Variants in GDPD5 observed in about 807,000 individuals in gnomAD.
GDPD5 encodes glycerophosphodiester phosphodiesterase 2.
GDPD5 carries 48 observed loss-of-function variants against 75.1 expected under a neutral mutation model. The observed-to-expected ratio is 0.64, with a 90% CI of 0.51 to 0.81. The LOEUF is 0.81. Ranked by LOEUF, GDPD5 falls within the 40% of genes least tolerant of loss-of-function variation. GDPD5 has a pLI of 0.00. For synonymous variants in GDPD5, 336 were observed against 339.0 expected (o/e 0.99, Z 0.10); for missense variants, 706 against 822.6 (o/e 0.86, Z 1.73).
At chr11:75,474,209 C>G (rs887726613) in intron 3 of GDPD5, among the ~76,000 whole-genome samples, 2 of 152,222 alleles carry the variant, frequency 1.3e-5, no homozygotes, top group East Asian at 1.9e-4. Context: ...AAATGTACTA[C>G]AGAAGTGCAA....
At chr11:75,520,943 C>T (rs1941426962) in intron 1 of GDPD5, among the ~76,000 whole-genome samples, 1 of 152,260 alleles carries the variant, frequency 6.6e-6, no homozygotes, top group Non-Finnish European at 1.5e-5. Context: ...CCACCACCCT[C>T]CTTTGGGCGA....
chr11:75,443,140 A>G lies in GDPD5; in HGVS notation c.944T>C (p.Leu315Pro). ...TGGGATCAGGTGCAGCCAGACCTTC[A>G]GGAACCACTGGCCAGCGTTGAGTCT... is the stretch of plus-strand genomic sequence containing the variant. ...LQRLNAGQWF[L>P]KTDPFWTASS... Residue 315 changes from leucine (L) to proline (P), a missense_variant, in exon 11 of 17, where the codon CTG becomes CCG. Transcript: ENST00000336898. 1 of 1,601,216 alleles carries G rather than the reference A, an allele frequency of 6.2e-7. No homozygotes were observed.
intron 3 of GDPD5, among the ~76,000 whole-genome samples, chr11:75,475,810 C>T (rs1401639968): frequency 6.6e-6 from 1 of 152,206 alleles, no homozygotes; most frequent in Admixed American, 6.5e-5. Flanking sequence ...GCTGCCCCTC[C>T]AGCCTTGGCC....
chr11:75,480,050 G>A (rs1423166353), intron 2 of GDPD5, among the ~76,000 whole-genome samples: 3 of 152,108 alleles, frequency 2.0e-5, no homozygotes, highest in Non-Finnish European at 2.9e-5. Flanking sequence ...TTTCTTTTGG[G>A]TACACATTTC....
chr11:75,463,597 T>A (rs1249172593), intron 3 of GDPD5, among the ~76,000 whole-genome samples: 1 of 152,108 alleles, frequency 6.6e-6, no homozygotes, highest in East Asian at 1.9e-4. Flanking sequence ...ATATCCTGCA[T>A]CCCGGGAAAC....
intron 16 of GDPD5, among the ~76,000 whole-genome samples, chr11:75,436,521 T>C (rs1948630138): frequency 8.1e-6 from 1 of 123,196 alleles, no homozygotes. Flanking sequence ...TCCCTGCCAC[T>C]GTTTATATAC....
At position 75,444,465 on chromosome 11, in the gene GDPD5, G is replaced by A. The variant is rs1948934445; in HGVS notation, c.745C>T (p.Arg249Trp). The stretch of plus-strand genomic sequence containing the variant: ...TACAGCTTCTGCTCGAGGGCCTTCC[G>A]GAAGGACATGAGCGTGTGCTCTGGA... ...LAPEHTLMSF[R>W]KALEQKLYGL... The change falls in exon 10 of 17, where the codon CGG becomes TGG. Residue 249 changes from arginine to tryptophan, a missense_variant. By Grantham distance (101) the Arg-to-Trp change is moderately radical (BLOSUM62 -3). Transcript: ENST00000336898. The A allele has an allele frequency of 3.7e-6, 6 of 1,613,838 alleles. No individual in the cohort carries two copies. The highest frequency in any genetic ancestry group is 5.1e-6 in the Non-Finnish European group (6 of 1,179,904).
intron 10 of GDPD5, 39 bp downstream of exon 10, chr11:75,444,374 G>C (rs1948928571): frequency 6.8e-7 from 1 of 1,469,548 alleles, no homozygotes; most frequent in Non-Finnish European, 9.5e-7. Flanking sequence ...GAAGCGTGTG[G>C]GAGGGGTAGA....
At position 75,435,348 on chromosome 11, in the gene GDPD5, G is replaced by C; in HGVS notation, c.*159C>G. 1.7e-6 allele frequency: 1 copy of C among 595,822 alleles called. No individual in the cohort carries two copies. The highest frequency in any genetic ancestry group is 2.9e-5 in the East Asian group (1 of 34,254). The allele number at this position is 595,822 out of a possible 1,614,324, so 36.9% of individuals were successfully genotyped here. On this transcript the variant is annotated 3_prime_UTR_variant, in exon 17 of 17. Coordinates refer to ENST00000336898, the MANE Select transcript of GDPD5 (RefSeq NM_030792.8). ...CCAGCTGGGCCTCAGGAGACAGGGA[G>C]TCCCCCTCAAGAGAGGCTGCGGCTG...
At chr11:75,493,683 G>T (rs563847067) in intron 1 of GDPD5, among the ~76,000 whole-genome samples, 167 of 149,364 alleles carry the variant, frequency 1.1e-3, no homozygotes, top group African/African-American at 3.7e-3. Flanking sequence ...AGTGCAGCAG[G>T]GGGGGGCCTA....
rs377131289 is a variant in GDPD5, at chr11:75,442,392, C to T, written c.1138G>A (p.Val380Met). Reference protein sequence around the residue: ...SSFINVTLEAVLHSGFPQHQV... With the variant: ...SSFINVTLEAMLHSGFPQHQV... ...TGCTGGGGGAAGCCGGAGTGCAGCA[C>T]GGCCTCCAGAGTCACGTTGATAAAA... Residue 380 changes from valine to methionine, a missense_variant, in exon 12 of 17, where the codon GTG becomes ATG. Transcript: ENST00000336898. The T allele has an allele frequency of 5.6e-5, 88 of 1,578,732 alleles. No homozygotes were observed. Among genetic ancestry groups the T allele is most frequent in the Middle Eastern group, 1.8e-4 (1 of 5,570 alleles).
At chr11:75,505,622 ACT>A (rs996118776) in intron 1 of GDPD5, among the ~76,000 whole-genome samples, 1 of 151,856 alleles carries the variant, frequency 6.6e-6, no homozygotes, top group Non-Finnish European at 1.5e-5. Flanking sequence ...GGACCAGGAC[ACT>A]CTCTGATCAA....
At chr11:75,441,064 C>T (rs1196704948) in intron 14 of GDPD5, 99 bp downstream of exon 14, 1 of 1,256,698 alleles carries the variant, frequency 8.0e-7, no homozygotes, top group Non-Finnish European at 1.1e-6. Flanking sequence ...CTAGAGACCT[C>T]CCAGGGACAG....
intron 1 of GDPD5, among the ~76,000 whole-genome samples, chr11:75,512,921 GAC>G (rs1214621196): frequency 6.6e-6 from 1 of 152,212 alleles, no homozygotes; most frequent in Admixed American, 6.5e-5. Flanking sequence ...TTTAGGGCAA[GAC>G]ACAGGCCTTA....
chr11:75,504,840 T>C lies in GDPD5; in HGVS notation c.-144-14520A>G, dbSNP rs192920890. On this transcript the variant is annotated intron_variant, in intron 1 of 16. Coordinates refer to ENST00000336898, the MANE Select transcript of GDPD5 (RefSeq NM_030792.8). ...AATAATACAATTTTTAAAAATACTC[T>C]CACTCGGCCAGGCACAGTGGCTCAC... Among the ~76,000 whole-genome samples, 70 of 152,184 alleles carry C rather than the reference T, an allele frequency of 4.6e-4. 1 individual carries two copies. The highest frequency in any genetic ancestry group is 3.9e-3 in the Admixed American group (60 of 15,280).
intron 4 of GDPD5, among the ~76,000 whole-genome samples, chr11:75,461,699 G>A (rs1245349242): frequency 6.6e-6 from 1 of 152,192 alleles, no homozygotes; most frequent in African/African-American, 2.4e-5. Context: ...TGAGGTCAGA[G>A]TTACCCCATT....
At chr11:75,466,969 T>G (rs1478514859) in intron 3 of GDPD5, among the ~76,000 whole-genome samples, 3 of 152,022 alleles carry the variant, frequency 2.0e-5, no homozygotes, top group African/African-American at 7.2e-5. Context: ...TGGGACCCAG[T>G]ATGGCGATCC....
chr11:75,450,445 G>A (rs1949111120), intron 6 of GDPD5: 1 of 175,890 alleles, frequency 5.7e-6, no homozygotes, highest in South Asian at 1.4e-4. Flanking sequence ...AACTGGGTCT[G>A]CTGCAGGAGC....
chr11:75,449,745 G>A, intron 7 of GDPD5, 135 bp from the exon 8 acceptor site: 1 of 1,245,858 alleles, frequency 8.0e-7, no homozygotes, highest in Non-Finnish European at 1.2e-6. Context: ...GGGAGCCTCA[G>A]GACCCTGGTG....
Sources: allele counts gnomAD v4.1 joint callset (sites outside exome capture counted in the v4.1 genomes callset), GRCh38; gene constraint gnomAD v4.1.1; transcripts MANE v1.5; gene names NCBI Gene and HGNC (gene_info 2026-07-23, HGNC 2026-07-21).